The following CFAP144 variants were observed in gnomAD, a reference collection of about 807,000 sequenced individuals.
CFAP144 encodes cilia- and flagella-associated protein 144.
chr1:43,144,289 G>T, the CFAP144 span, among the ~76,000 whole-genome samples: 4 of 152,106 alleles, frequency 2.6e-5, no homozygotes, highest in African/African-American at 9.7e-5. Flanking sequence ...CTGATTGGTG[G>T]GACCTGCTCA....
chr1:43,155,325 G>A, the CFAP144 span, among the ~76,000 whole-genome samples: 1 of 152,200 alleles, frequency 6.6e-6, no homozygotes, highest in Non-Finnish European at 1.5e-5. Flanking sequence ...CAAGTACAAA[G>A]TGTGCATGTG....
At chr1:43,148,777 A>G in the CFAP144 span, among the ~76,000 whole-genome samples, 1 of 152,036 alleles carries the variant, frequency 6.6e-6, no homozygotes, top group Non-Finnish European at 1.5e-5. Flanking sequence ...CTCATCATCT[A>G]ATGATCTCAT....
the CFAP144 span, chr1:43,150,722 T>G: frequency 6.4e-7 from 1 of 1,563,058 alleles, no homozygotes. Flanking sequence ...GAACTCATGT[T>G]TTAATCTGAA....
chr1:43,153,165 G>A, the CFAP144 span, among the ~76,000 whole-genome samples: 1 of 152,156 alleles, frequency 6.6e-6, no homozygotes, highest in African/African-American at 2.4e-5. Context: ...TATTTGTGCA[G>A]TACCTGGAAC....
the CFAP144 span, among the ~76,000 whole-genome samples, chr1:43,147,211 G>GA: frequency 1.3e-5 from 2 of 152,174 alleles, no homozygotes; most frequent in South Asian, 4.1e-4. Flanking sequence ...AACAAAAAGT[G>GA]AAATGCCAGG....
At chr1:43,154,028 T>C in the CFAP144 span, among the ~76,000 whole-genome samples, 1 of 144,940 alleles carries the variant, frequency 6.9e-6, no homozygotes, top group Non-Finnish European at 1.5e-5. Context: ...AACTTTTTTT[T>C]CTTACTTCTT....
the CFAP144 span, among the ~76,000 whole-genome samples, chr1:43,154,797 C>G: frequency 1.3e-5 from 2 of 151,838 alleles, no homozygotes; most frequent in Non-Finnish European, 2.9e-5. Context: ...GGCCTCGACT[C>G]TGATTACAGC....
At chr1:43,150,709 A>G in the CFAP144 span, 1 of 1,498,068 alleles carries the variant, frequency 6.7e-7, no homozygotes, top group Non-Finnish European at 9.1e-7. Context: ...TAGAGAGGGC[A>G]GGGAACTCAT....
chr1:43,156,228 G>A, the CFAP144 span: 13 of 1,613,898 alleles, frequency 8.1e-6, no homozygotes, highest in Middle Eastern at 1.6e-4. Flanking sequence ...CGCCATGACC[G>A]CAGGCTGAAT....
chr1:43,150,801 C>A, the CFAP144 span: 1 of 1,610,064 alleles, frequency 6.2e-7, no homozygotes, highest in Non-Finnish European at 8.5e-7. Flanking sequence ...GGCATGATAA[C>A]CTGGAGGAAC....
the CFAP144 span, chr1:43,152,848 C>G: frequency 1.2e-6 from 2 of 1,610,874 alleles, no homozygotes; most frequent in East Asian, 4.5e-5. Context: ...GAATCTCATT[C>G]ACCATGCTGC....
chr1:43,147,741 G>A, the CFAP144 span: 1 of 1,422,612 alleles, frequency 7.0e-7, no homozygotes, highest in Non-Finnish European at 9.2e-7. Context: ...AATAGGGCGG[G>A]GCGCGAAATA....
chr1:43,147,275 C>G, the CFAP144 span, among the ~76,000 whole-genome samples: 8 of 152,208 alleles, frequency 5.3e-5, no homozygotes, highest in African/African-American at 1.9e-4. Flanking sequence ...TGAAAAAGTT[C>G]TGGAGATTGG....
At chr1:43,154,847 G>T in the CFAP144 span, among the ~76,000 whole-genome samples, 2 of 151,480 alleles carry the variant, frequency 1.3e-5, no homozygotes, top group Admixed American at 1.3e-4. Flanking sequence ...ACGAGGTGGG[G>T]GTAAGTGACG....
chr1:43,152,766 GCACAGGACCAAC>G, the CFAP144 span: 1 of 1,496,110 alleles, frequency 6.7e-7, no homozygotes, highest in Admixed American at 2.1e-5. Flanking sequence ...GCAGGAAAGG[GCACAGGACCAAC>G]CTCTGGTCCC....
the CFAP144 span, among the ~76,000 whole-genome samples, chr1:43,143,346 C>A: frequency 6.6e-6 from 1 of 152,264 alleles, no homozygotes; most frequent in African/African-American, 2.4e-5. Context: ...CGTAAAGAAG[C>A]AGTCTAAGGA....
At chr1:43,153,147 CGAG>C in the CFAP144 span, among the ~76,000 whole-genome samples, 1 of 152,092 alleles carries the variant, frequency 6.6e-6, no homozygotes, top group East Asian at 1.9e-4. Context: ...GAGGATGAAA[CGAG>C]GTGATATTTG....
the CFAP144 span, chr1:43,148,161 G>T: frequency 6.8e-7 from 1 of 1,467,124 alleles, no homozygotes; most frequent in African/African-American, 1.4e-5. Flanking sequence ...GGGTTGCGGG[G>T]TGGGAACGCG....
At chr1:43,150,733 C>T in the CFAP144 span, 1 of 1,582,922 alleles carries the variant, frequency 6.3e-7, no homozygotes, top group Admixed American at 1.8e-5. Flanking sequence ...TTAATCTGAA[C>T]TTGTGAAGCT....
Sources: allele counts gnomAD v4.1 joint callset (sites outside exome capture counted in the v4.1 genomes callset), GRCh38; gene constraint gnomAD v4.1.1; transcripts MANE v1.5; gene names NCBI Gene and HGNC (gene_info 2026-07-23, HGNC 2026-07-21).